The following SDCCAG8 variants were observed in gnomAD, a reference collection of about 807,000 sequenced individuals.
The protein encoded by SDCCAG8 is serologically defined colon cancer antigen 8.
In SDCCAG8, 74 loss-of-function variants were observed where a neutral mutation model predicts 101.8. The observed-to-expected ratio is 0.73, with a 90% CI of 0.60 to 0.88. The LOEUF is 0.88. SDCCAG8 is among the 40% of genes least tolerant of loss of function. The pLI is 0.00. For synonymous variants in SDCCAG8, 281 were observed against 292.9 expected, an observed-to-expected ratio of 0.96 and a Z score of 0.41; for missense variants, 787 against 822.6, an observed-to-expected ratio of 0.96 and a Z score of 0.53.
At chr1:243,389,067 T>G (rs1334408529) in intron 13 of SDCCAG8, among the ~76,000 whole-genome samples, 3 of 151,996 alleles carry the variant, frequency 2.0e-5, no homozygotes, top group Non-Finnish European at 4.4e-5. Context: ...GAAGACTGCT[T>G]GAGCCTGGGA....
chr1:243,271,942 GTTGT>G lies in SDCCAG8; in HGVS notation c.306+885_306+888del, dbSNP rs1304296061. Among the ~76,000 whole-genome samples the G allele has an allele frequency of 8.5e-5, 13 of 152,298 alleles. No homozygotes were observed. The East Asian group carries it at 2.5e-3, about 29-fold the overall frequency. On this transcript the variant is annotated intron_variant, in intron 3 of 17. Transcript: ENST00000366541. Reference sequence around the variant, plus strand: ...GAAGTGGTGCTGTATTTCTTCTGAAGTTGTTTGTTATTGCTTTGACAGAGTGTAT... The same window carrying G: ...GAAGTGGTGCTGTATTTCTTCTGAAGTTGTTATTGCTTTGACAGAGTGTAT...
At chr1:243,314,675 ATCTG>A (rs1031488158) in intron 8 of SDCCAG8, among the ~76,000 whole-genome samples, 44 of 152,000 alleles carry the variant, frequency 2.9e-4, no homozygotes, top group African/African-American at 9.4e-4. Flanking sequence ...CCTGTTGTGG[ATCTG>A]TCTGTTTGCA....
chr1:243,498,474 C>T (rs1335486743), intron 17 of SDCCAG8, among the ~76,000 whole-genome samples: 3 of 152,160 alleles, frequency 2.0e-5, no homozygotes, highest in Non-Finnish European at 4.4e-5. Context: ...GGCCTCCTGC[C>T]GGAGCCCCAC....
intron 16 of SDCCAG8, among the ~76,000 whole-genome samples, chr1:243,466,484 C>T (rs1412126790): frequency 2.0e-5 from 3 of 152,138 alleles, no homozygotes; most frequent in South Asian, 2.1e-4. Flanking sequence ...CTGTGCTATG[C>T]GATTTTAGGG....
At chr1:243,442,602 A>G (rs1338647612) in intron 16 of SDCCAG8, among the ~76,000 whole-genome samples, 1 of 149,438 alleles carries the variant, frequency 6.7e-6, no homozygotes, top group Non-Finnish European at 1.5e-5. Context: ...ATCTGTAGGG[A>G]AAAAGAACAT....
chr1:243,366,814 T>G (rs971662476), intron 12 of SDCCAG8, among the ~76,000 whole-genome samples: 8 of 152,064 alleles, frequency 5.3e-5, no homozygotes, highest in African/African-American at 1.9e-4. Flanking sequence ...ATATATAGTG[T>G]GTATATGTGT....
chr1:243,402,273 C>CA (rs1332235538), intron 13 of SDCCAG8, among the ~76,000 whole-genome samples: 2 of 151,728 alleles, frequency 1.3e-5, no homozygotes, highest in Non-Finnish European at 2.9e-5. Flanking sequence ...ACTAAAAATA[C>CA]AAAAAAATTA....
At position 243,344,228 on chromosome 1, in the gene SDCCAG8, T is replaced by A. The variant is rs1250974056; in HGVS notation, c.1370T>A (p.Met457Lys). The A allele has an allele frequency of 6.2e-7, 1 of 1,613,814 alleles. No individual in the cohort carries two copies. The highest frequency in any genetic ancestry group is 8.5e-7 in the Non-Finnish European group (1 of 1,179,804). ...ACAATCTAACAGGTGTGTGGAGAAA[T>A]GCGCTATCAGCTGAATAAAACCAAC... ...EMDVTKVCGE[M>K]RYQLNKTNME... is the part of the protein sequence containing the mutation. Residue 457 changes from methionine to lysine, a missense_variant, in exon 12 of 18, where the codon ATG (methionine) becomes AAG (lysine). Met to Lys is a moderately conservative substitution (Grantham distance 95). Transcript: ENST00000366541.
intron 13 of SDCCAG8, among the ~76,000 whole-genome samples, chr1:243,388,058 A>G (rs2078429350): frequency 6.6e-6 from 1 of 152,156 alleles, no homozygotes; most frequent in Admixed American, 6.5e-5. Flanking sequence ...TTGACCTCCC[A>G]GCCTATCCAT....
At chr1:243,386,661 G>A (rs2078313152) in intron 13 of SDCCAG8, among the ~76,000 whole-genome samples, 1 of 152,074 alleles carries the variant, frequency 6.6e-6, no homozygotes, top group Non-Finnish European at 1.5e-5. Context: ...GCTGAGGCAG[G>A]AGAATCTCTT....
At chr1:243,395,437 A>G (rs1452627376) in intron 13 of SDCCAG8, among the ~76,000 whole-genome samples, 2 of 152,202 alleles carry the variant, frequency 1.3e-5, no homozygotes, top group Admixed American at 6.5e-5. Flanking sequence ...AACTTAATCA[A>G]TATTTTTGAA....
intron 1 of SDCCAG8, among the ~76,000 whole-genome samples, chr1:243,259,031 T>C (rs1419971971): frequency 1.3e-5 from 2 of 152,214 alleles, no homozygotes; most frequent in Non-Finnish European, 2.9e-5. Flanking sequence ...TTCATTGATA[T>C]TCAGCCAGGA....
chr1:243,315,403 T>A (rs970277953), intron 8 of SDCCAG8, among the ~76,000 whole-genome samples: 1 of 152,232 alleles, frequency 6.6e-6, no homozygotes, highest in African/African-American at 2.4e-5. Context: ...ACAATTTACT[T>A]CTTTTTTCAT....
chr1:243,319,751 A>C (rs2073592002), intron 9 of SDCCAG8, among the ~76,000 whole-genome samples: 1 of 152,076 alleles, frequency 6.6e-6, no homozygotes, highest in South Asian at 2.1e-4. Flanking sequence ...TTGAATTTCC[A>C]TGTTGCTGAT....
At chr1:243,335,108 A>G in intron 10 of SDCCAG8, among the ~76,000 whole-genome samples, 1 of 152,202 alleles carries the variant, frequency 6.6e-6, no homozygotes, top group East Asian at 1.9e-4. Flanking sequence ...AATGAATTAC[A>G]AGGAAAAGAA....
At chr1:243,277,786 T>G (rs2068701134) in intron 4 of SDCCAG8, among the ~76,000 whole-genome samples, 2 of 152,216 alleles carry the variant, frequency 1.3e-5, no homozygotes, top group Non-Finnish European at 2.9e-5. Context: ...TATTTTACAT[T>G]TAGATCATGT....
At chr1:243,353,270 C>G (rs1168317664) in intron 12 of SDCCAG8, among the ~76,000 whole-genome samples, 1 of 151,658 alleles carries the variant, frequency 6.6e-6, no homozygotes, top group East Asian at 2.0e-4. Flanking sequence ...GCAAGCAGAT[C>G]ACTTGAGGTC....
At chr1:243,391,004 GC>G (rs2078665197) in intron 13 of SDCCAG8, among the ~76,000 whole-genome samples, 2 of 152,080 alleles carry the variant, frequency 1.3e-5, no homozygotes, top group African/African-American at 4.8e-5. Flanking sequence ...TCGCTGTATT[GC>G]CCAGCCTGGC....
intron 9 of SDCCAG8, chr1:243,318,656 T>C: frequency 1.5e-6 from 1 of 662,886 alleles, no homozygotes; most frequent in Non-Finnish European, 1.9e-6. Context: ...ATGACCAAAC[T>C]CCCCAACATA....
Sources: gnomAD v4.1 joint callset for allele counts (sites outside exome capture counted in the v4.1 genomes callset) on GRCh38, gnomAD v4.1.1 for gene constraint, MANE v1.5 for transcripts, NCBI Gene and HGNC (gene_info 2026-07-23, HGNC 2026-07-21) for gene names.